MAP4K3: variants seen among roughly 807,000 people sequenced by gnomAD.
The protein encoded by MAP4K3 is MAPK/ERK kinase kinase kinase 3.
A neutral mutation model predicts 143.5 loss-of-function variants in MAP4K3; 94 were observed. The observed-to-expected ratio is 0.65, with a 90% CI of 0.55 to 0.78. The LOEUF is 0.78. Ranked by LOEUF, MAP4K3 falls within the 30% of genes least tolerant of loss-of-function variation. The pLI, the probability that MAP4K3 is intolerant of heterozygous loss-of-function variation, is 0.00. For missense variants in MAP4K3, 1,077 were observed against 1,068.1 expected, an observed-to-expected ratio of 1.01 and a Z score of -0.12; for synonymous variants, 416 against 347.2, an observed-to-expected ratio of 1.20 and a Z score of -2.20.
intron 27 of MAP4K3, 134 bp downstream of exon 27, chr2:39,267,055 A>G (rs985500042): frequency 3.9e-6 from 3 of 763,942 alleles, no homozygotes; most frequent in Non-Finnish European, 6.7e-6. Flanking sequence ...CAGAGATGAA[A>G]CAGCCAAGAA....
In MAP4K3 at chr2:39,345,294, G is replaced by A. The variant is rs78314330; in HGVS notation, c.246-1842C>T. Among the ~76,000 whole-genome samples the A allele has an allele frequency of 7.9e-3, 1,192 of 151,844 alleles. 17 individuals are homozygous for A. The highest frequency in any genetic ancestry group is 0.022 in the East Asian group (111 of 5,104). ...TCAGGAGGCTGAGGCAGGGTGCAGGGGGTCGGGGGGAAGGTGCAGGGCGGG... is the reference window on the plus strand; with the variant it reads ...TCAGGAGGCTGAGGCAGGGTGCAGGAGGTCGGGGGGAAGGTGCAGGGCGGG... On this transcript the variant is annotated intron_variant, in intron 3 of 33. Coordinates refer to ENST00000263881, the MANE Select transcript of MAP4K3 (RefSeq NM_003618.4).
At chr2:39,308,977 AAGTC>A (rs1274786821) in intron 14 of MAP4K3, among the ~76,000 whole-genome samples, 3 of 152,198 alleles carry the variant, frequency 2.0e-5, no homozygotes, top group Non-Finnish European at 4.4e-5. Flanking sequence ...AAAAATTTAA[AAGTC>A]AGCATTAAAA....
intron 2 of MAP4K3, among the ~76,000 whole-genome samples, chr2:39,358,555 T>A (rs1328928531): frequency 6.6e-6 from 1 of 152,210 alleles, no homozygotes; most frequent in African/African-American, 2.4e-5. Context: ...ATACTACTGA[T>A]CCAAAGTGTA....
At chr2:39,363,989 T>C (rs1457420040) in intron 2 of MAP4K3, among the ~76,000 whole-genome samples, 3 of 61,812 alleles carry the variant, frequency 4.9e-5, no homozygotes, top group Non-Finnish European at 1.4e-4. Flanking sequence ...CAGATAGCCA[T>C]TATAAAAAAA....
At position 39,423,578 on chromosome 2, in the gene MAP4K3, A is replaced by G. The variant is rs141380556; in HGVS notation, c.96+13314T>C. Among the ~76,000 whole-genome samples the G allele has an allele frequency of 1.1e-3, 160 of 152,376 alleles. 4 individuals are homozygous for G. In the East Asian group the frequency reaches 0.026, roughly 25 times the overall value. ...ATAAACATACAATGAGATATTATTC[A>G]GTAATTTTTAAAAAATGAGGTATTG... is the stretch of plus-strand genomic sequence containing the variant. On this transcript the variant is annotated intron_variant, in intron 1 of 33. Transcript: ENST00000263881.
intron 2 of MAP4K3, among the ~76,000 whole-genome samples, chr2:39,363,597 A>G (rs1665830066): frequency 7.5e-6 from 1 of 132,508 alleles, no homozygotes; most frequent in African/African-American, 2.8e-5. Flanking sequence ...TGAACCCAGG[A>G]GGTGGAGGTT....
At chr2:39,383,506 C>T (rs1477669434) in intron 1 of MAP4K3, among the ~76,000 whole-genome samples, 3 of 152,048 alleles carry the variant, frequency 2.0e-5, no homozygotes, top group Non-Finnish European at 2.9e-5. Context: ...CAAATCATGT[C>T]ACTAGGTATG....
At chr2:39,335,091 G>C (rs1055516919) in intron 6 of MAP4K3, among the ~76,000 whole-genome samples, 5 of 152,104 alleles carry the variant, frequency 3.3e-5, no homozygotes, top group African/African-American at 1.2e-4. Context: ...GGCTGGAAAA[G>C]AATGAGTAAA....
At chr2:39,264,749 T>TA (rs1216757172) in intron 28 of MAP4K3, among the ~76,000 whole-genome samples, 5 of 152,060 alleles carry the variant, frequency 3.3e-5, no homozygotes, top group African/African-American at 9.7e-5. Flanking sequence ...AATGATTCTA[T>TA]AAAAAAAATC....
intron 2 of MAP4K3, among the ~76,000 whole-genome samples, chr2:39,362,545 C>T (rs562858726): frequency 2.0e-5 from 3 of 152,174 alleles, no homozygotes; most frequent in Non-Finnish European, 2.9e-5. Context: ...AATTACAAAA[C>T]GTTTAATTAG....
Position 39,299,821 on chromosome 2 carries a change from T to C in MAP4K3, c.1120-20A>G. On this transcript the variant is annotated intron_variant, in intron 15 of 33. Coordinates refer to ENST00000263881, the MANE Select transcript of MAP4K3 (RefSeq NM_003618.4). ...CAGATCCTAATAGTACAAAATAAAA[T>C]ATTTAGCACAATAGTAGTATATGAC... 2 of 1,399,214 alleles carry C rather than the reference T, an allele frequency of 1.4e-6. No homozygotes were observed. The highest frequency in any genetic ancestry group is 2.0e-6 in the Non-Finnish European group (2 of 1,018,058). 86.7% of individuals were successfully genotyped at this position (1,399,214 alleles called of 1,614,324 possible).
intron 1 of MAP4K3, among the ~76,000 whole-genome samples, chr2:39,390,700 C>G (rs141078120): frequency 2.0e-5 from 3 of 151,464 alleles, no homozygotes; most frequent in Admixed American, 1.3e-4. Flanking sequence ...AAATCAGAAA[C>G]TGGAGATCAG....
chr2:39,274,545 T>C (rs907813880), intron 24 of MAP4K3, among the ~76,000 whole-genome samples: 1 of 152,174 alleles, frequency 6.6e-6, no homozygotes, highest in South Asian at 2.1e-4. Context: ...TAACAACTTT[T>C]ACAAATCTAA....
intron 1 of MAP4K3, among the ~76,000 whole-genome samples, chr2:39,384,438 C>A (rs1166978501): frequency 1.3e-5 from 2 of 152,176 alleles, no homozygotes; most frequent in African/African-American, 4.8e-5. Flanking sequence ...CCCAGCTACT[C>A]GAGAGGCTGG....
At position 39,250,710 on chromosome 2, in the gene MAP4K3, A is replaced by G; in HGVS notation, c.2598-5T>C. On this transcript the variant is annotated splice_polypyrimidine_tract_variant and splice_region_variant and intron_variant, in intron 33 of 33. Transcript: ENST00000263881. ...CTACTTTCCAAAACCACGACCCTGAAAGTAATAAAAAACATATAACAAAAC... is the reference window on the plus strand; with the variant it reads ...CTACTTTCCAAAACCACGACCCTGAGAGTAATAAAAAACATATAACAAAAC... The G allele has an allele frequency of 6.2e-7, 1 of 1,611,070 alleles. No homozygotes were observed. The highest frequency in any genetic ancestry group is 8.5e-7 in the Non-Finnish European group (1 of 1,178,000).
chr2:39,380,015 A>G (rs1159098538), intron 1 of MAP4K3, among the ~76,000 whole-genome samples: 1 of 152,136 alleles, frequency 6.6e-6, no homozygotes, highest in Non-Finnish European at 1.5e-5. Context: ...CAAGGTCAAT[A>G]TTTCCTATAG....
At position 39,293,277 on chromosome 2, in the gene MAP4K3, AAAAAAC is replaced by A; in HGVS notation, c.1179-15_1179-10del. On this transcript the variant is annotated splice_polypyrimidine_tract_variant and intron_variant, in intron 16 of 33. Transcript: ENST00000263881. ...CAGACTTGAGAAGACTCCTTAAAAG[AAAAAAC>A]AAAAACAAAAAATAATGTGAATAAA... 1.3e-6 allele frequency: 2 copies of A among 1,497,794 alleles called. No homozygotes were observed. The highest frequency in any genetic ancestry group is 1.4e-5 in the African/African-American group (1 of 70,524). 92.8% of individuals were successfully genotyped at this position (1,497,794 alleles called of 1,614,324 possible). A position where few individuals can be genotyped will look rare whatever the true frequency, so the allele number is the denominator to read the frequency against.
chr2:39,405,765 G>C (rs1429314213), intron 1 of MAP4K3, among the ~76,000 whole-genome samples: 5 of 152,146 alleles, frequency 3.3e-5, no homozygotes, highest in Non-Finnish European at 1.5e-5. Context: ...CTACGTGGGA[G>C]GCTGAGGTGG....
At chr2:39,282,194 CAAAA>C (rs58168334) in intron 22 of MAP4K3, among the ~76,000 whole-genome samples, 2 of 106,170 alleles carry the variant, frequency 1.9e-5, no homozygotes, top group Non-Finnish European at 2.0e-5. Flanking sequence ...GACTCCGTCT[CAAAA>C]AAAAAAAAAA....
Sources: allele counts gnomAD v4.1 joint callset (sites outside exome capture counted in the v4.1 genomes callset), GRCh38; gene constraint gnomAD v4.1.1; transcripts MANE v1.5; gene names NCBI Gene and HGNC (gene_info 2026-07-23, HGNC 2026-07-21).